KAT2B: variants seen among roughly 807,000 people sequenced by gnomAD.
KAT2B encodes histone acetyltransferase KAT2B.
Under a neutral mutation model 105.9 loss-of-function variants are expected in KAT2B, and 36 were observed. The ratio of observed to expected loss-of-function variants is 0.34; its 90% CI spans 0.26 to 0.45. The LOEUF (loss-of-function observed/expected upper bound fraction) is 0.45. Ranked by LOEUF, KAT2B falls within the 20% of genes least tolerant of loss-of-function variation. The probability of loss-of-function intolerance (pLI) is 1.00; values close to 1 mark genes in which losing one functional copy is unlikely to be tolerated. For missense variants in KAT2B, 820 were observed against 1,021.6 expected (o/e 0.80, Z 2.69); for synonymous variants, 397 against 377.9 (o/e 1.05, Z -0.59).
intron 2 of KAT2B, among the ~76,000 whole-genome samples, chr3:20,075,147 C>T (rs1415367896): frequency 6.6e-6 from 1 of 151,884 alleles, no homozygotes; most frequent in African/African-American, 2.4e-5. Context: ...ACCTATAATC[C>T]CAGCTACTCG....
chr3:20,149,260 T>G (rs1699827420), intron 17 of KAT2B, among the ~76,000 whole-genome samples: 1 of 152,102 alleles, frequency 6.6e-6, no homozygotes, highest in Admixed American at 6.6e-5. Flanking sequence ...GTCTCTTTTC[T>G]ACCTGTAATC....
intron 2 of KAT2B, among the ~76,000 whole-genome samples, chr3:20,083,298 T>C (rs1698552642): frequency 6.6e-6 from 1 of 152,096 alleles, no homozygotes; most frequent in African/African-American, 2.4e-5. Context: ...TAGAGGCCTA[T>C]CTCTTTAAGA....
chr3:20,085,952 A>G (rs1698606347), intron 2 of KAT2B, among the ~76,000 whole-genome samples: 2 of 152,186 alleles, frequency 1.3e-5, no homozygotes, highest in Admixed American at 1.3e-4. Context: ...TATAAAGATT[A>G]ATTCCTCTCT....
At chr3:20,117,391 A>T (rs1004084679) in intron 7 of KAT2B, among the ~76,000 whole-genome samples, 2 of 152,228 alleles carry the variant, frequency 1.3e-5, no homozygotes, top group Non-Finnish European at 2.9e-5. Context: ...ATGTCTGCGT[A>T]TCGATGCAAC....
At chr3:20,141,144 C>T (rs908827468) in intron 13 of KAT2B, among the ~76,000 whole-genome samples, 2 of 152,142 alleles carry the variant, frequency 1.3e-5, no homozygotes, top group Admixed American at 6.5e-5. Flanking sequence ...CAGTTTGATC[C>T]ACCTATTTGA....
chr3:20,065,753 A>G (rs993992899), intron 1 of KAT2B, among the ~76,000 whole-genome samples: 2 of 152,050 alleles, frequency 1.3e-5, no homozygotes, highest in Non-Finnish European at 2.9e-5. Context: ...ATTCTCATAT[A>G]TATCAATAGG....
chr3:20,123,421 C>G (rs1022504993), intron 9 of KAT2B, among the ~76,000 whole-genome samples: 3 of 152,178 alleles, frequency 2.0e-5, no homozygotes, highest in Admixed American at 6.5e-5. Flanking sequence ...ATCTGCTCCA[C>G]TGGCTGTTTT....
At chr3:20,148,743 G>A (rs1575162422) in intron 17 of KAT2B, 1 of 378,124 alleles carries the variant, frequency 2.6e-6, no homozygotes, top group Non-Finnish European at 4.7e-6. Flanking sequence ...CACGGTAACT[G>A]CAGACAGCAC....
At chr3:20,075,741 C>T (rs4858758) in intron 2 of KAT2B, among the ~76,000 whole-genome samples, 61,997 of 151,528 alleles carry the variant, frequency 0.41, 12,939 homozygotes, top group South Asian at 0.5. Flanking sequence ...TCCAGGTGCA[C>T]GACCCCCCAG....
chr3:20,133,572 T>C (rs1699548248), intron 11 of KAT2B, among the ~76,000 whole-genome samples: 1 of 152,224 alleles, frequency 6.6e-6, no homozygotes, highest in African/African-American at 2.4e-5. Flanking sequence ...ATTTCTCTAT[T>C]GAAGACATAT....
chr3:20,103,973 C>T (rs113460994), intron 5 of KAT2B, among the ~76,000 whole-genome samples: 4 of 151,204 alleles, frequency 2.6e-5, no homozygotes, highest in African/African-American at 7.3e-5. Context: ...TAGTTTCTGA[C>T]ACACAGAGCA....
intron 13 of KAT2B, among the ~76,000 whole-genome samples, chr3:20,143,345 C>A (rs1196528776): frequency 1.3e-5 from 2 of 151,990 alleles, no homozygotes; most frequent in Non-Finnish European, 1.5e-5. Flanking sequence ...TATCTCACAC[C>A]AGTCAGAATG....
intron 11 of KAT2B, among the ~76,000 whole-genome samples, chr3:20,131,838 A>G (rs1320061793): frequency 6.6e-6 from 1 of 152,248 alleles, no homozygotes; most frequent in Non-Finnish European, 1.5e-5. Context: ...TGCTGAGATT[A>G]TAGGCGTGAG....
chr3:20,067,621 GC>G (rs1698244845), intron 1 of KAT2B, among the ~76,000 whole-genome samples: 1 of 152,172 alleles, frequency 6.6e-6, no homozygotes, highest in East Asian at 1.9e-4. Context: ...TTATAAGCAA[GC>G]CCATAGGAAG....
chr3:20,050,003 C>A (rs1026124717), intron 1 of KAT2B, among the ~76,000 whole-genome samples: 3 of 152,090 alleles, frequency 2.0e-5, no homozygotes, highest in Non-Finnish European at 4.4e-5. Context: ...AGTTCGAGAC[C>A]AGCCTGGGCA....
At position 20,124,961 on chromosome 3, in the gene KAT2B, C is replaced by G. The variant is rs374802460; in HGVS notation, c.1414-944C>G. 1.7e-3 allele frequency among the ~76,000 whole-genome samples: 262 copies of G among 152,262 alleles called. 1 individual carries two copies. Among genetic ancestry groups the G allele is most frequent in the African/African-American group, 6.1e-3 (255 of 41,554 alleles). On this transcript the variant is annotated intron_variant, in intron 9 of 17. Coordinates refer to ENST00000263754, the MANE Select transcript of KAT2B (RefSeq NM_003884.5). ...TGCTGGCACATGGTTGTGCTTCCAG[C>G]TATGGTTGAGTGTAGGTCAACAGAT... is the stretch of plus-strand genomic sequence containing the variant.
intron 6 of KAT2B, 42 bp downstream of exon 6, chr3:20,111,829 T>C: frequency 6.7e-7 from 1 of 1,501,430 alleles, no homozygotes; most frequent in African/African-American, 1.4e-5. Context: ...ATCCCAGAGC[T>C]TGAGGTTGCT....
At position 20,040,466 on chromosome 3, in the gene KAT2B, C is replaced by T; in HGVS notation, c.-12C>T. On this transcript the variant is annotated 5_prime_UTR_variant, in exon 1 of 18. Coordinates refer to ENST00000263754, the MANE Select transcript of KAT2B (RefSeq NM_003884.5). Reference sequence around the variant, plus strand: ...CTGACACTCGGCGCCTCCTGCCGTGCTCCGGGGCGGCATGTCCGAGGCTGG... The same window carrying T: ...CTGACACTCGGCGCCTCCTGCCGTGTTCCGGGGCGGCATGTCCGAGGCTGG... 9.3e-7 allele frequency: 1 copy of T among 1,073,512 alleles called. No homozygotes were observed. The highest frequency in any genetic ancestry group is 1.1e-6 in the Non-Finnish European group (1 of 888,676). 66.5% of individuals were successfully genotyped at this position (1,073,512 alleles called of 1,614,324 possible). A position where few individuals can be genotyped will look rare whatever the true frequency, so the allele number is the denominator to read the frequency against.
chr3:20,089,399 C>CTTT (rs60958319), intron 2 of KAT2B, among the ~76,000 whole-genome samples: 1 of 124,020 alleles, frequency 8.1e-6, no homozygotes, highest in Non-Finnish European at 1.6e-5. Context: ...GTCTTCTTCA[C>CTTT]TTTTTTTTTT....
Sources: allele counts gnomAD v4.1 joint callset (sites outside exome capture counted in the v4.1 genomes callset), GRCh38; gene constraint gnomAD v4.1.1; transcripts MANE v1.5; gene names NCBI Gene and HGNC (gene_info 2026-07-23, HGNC 2026-07-21).